The following PLCXD1 variants were observed in gnomAD, a reference collection of about 807,000 sequenced individuals.
The protein encoded by PLCXD1 is PI-PLC X domain-containing protein 1.
Under a neutral mutation model 37.8 loss-of-function variants are expected in PLCXD1, and 45 were observed. The ratio of observed to expected loss-of-function variants is 1.19; its 90% CI spans 0.94 to 1.53. The LOEUF is 1.53. PLCXD1 is among the 40% of genes most tolerant of loss of function. The pLI, the probability that PLCXD1 is intolerant of heterozygous loss-of-function variation, is 0.00. For synonymous variants in PLCXD1, 246 were observed against 206.9 expected (o/e 1.19, Z -1.62); for missense variants, 539 against 454.7 (o/e 1.19, Z -1.69).
intron 2 of PLCXD1, among the ~76,000 whole-genome samples, chrX:286,561 C>A (rs2069456821): frequency 6.6e-6 from 1 of 152,096 alleles, no homozygotes; most frequent in Admixed American, 6.6e-5. Context: ...AAAAGAAATT[C>A]TTGGCCTTTT....
chrX:301,927 C>CA lies in PLCXD1; in HGVS notation c.*2594dup. The CA allele has an allele frequency of 6.6e-6, 1 of 152,410 alleles. No homozygotes were observed. Among genetic ancestry groups the CA allele is most frequent in the Non-Finnish European group, 1.5e-5 (1 of 68,210 alleles). 9.4% of individuals were successfully genotyped at this position (152,410 alleles called of 1,614,324 possible). ...AGGCGTGAGCCACCGCACCTGGCCT[C>CA]AAGCCAGTATTTCCCTGGCCCTAAA... On this transcript the variant is annotated 3_prime_UTR_variant, in exon 7 of 7. Coordinates refer to ENST00000381657, the MANE Select transcript of PLCXD1 (RefSeq NM_018390.4).
At chrX:293,484 G>A (rs1320828619) in intron 6 of PLCXD1, among the ~76,000 whole-genome samples, 1 of 152,090 alleles carries the variant, frequency 6.6e-6, no homozygotes, top group African/African-American at 2.4e-5. Context: ...TAGCGGCCGG[G>A]CGCAGTGGTT....
chrX:285,789 A>C (rs1427919468), intron 2 of PLCXD1, among the ~76,000 whole-genome samples: 1 of 152,008 alleles, frequency 6.6e-6, no homozygotes, highest in Non-Finnish European at 1.5e-5. Flanking sequence ...AACCTAAGGA[A>C]ATAAACTTAG....
Position 290,410 on chromosome X carries a change from A to G in PLCXD1, c.265-238A>G, listed in dbSNP as rs745516068. 1.3e-3 allele frequency among the ~76,000 whole-genome samples: 195 copies of G among 145,598 alleles called. 2 individuals are homozygous for G. The highest frequency in any genetic ancestry group is 0.012 in the Admixed American group (169 of 14,440). On this transcript the variant is annotated intron_variant, in intron 3 of 6. Coordinates refer to ENST00000381657, the MANE Select transcript of PLCXD1 (RefSeq NM_018390.4). ...GCACCACTGCACTCCAGCCTGGGTG[A>G]CAGAGCGAGACTCCGTCTCAAAAAA...
chrX:276,572 G>A (rs978765851), upstream of PLCXD1, among the ~76,000 whole-genome samples: 7 of 152,114 alleles, frequency 4.6e-5, no homozygotes, highest in Admixed American at 2.0e-4. Context: ...GGGGAGGGTC[G>A]CCTGGGATCT....
In PLCXD1 at chrX:300,298, G is replaced by C. The variant is rs1323178468; in HGVS notation, c.*963G>C. 1 of 152,066 alleles carries C rather than the reference G, an allele frequency of 6.6e-6. No homozygotes were observed. Among genetic ancestry groups the C allele is most frequent in the Non-Finnish European group, 1.5e-5 (1 of 68,028 alleles). The allele number at this position is 152,066 out of a possible 1,614,324, so 9.4% of individuals were successfully genotyped here. A position where few individuals can be genotyped will look rare whatever the true frequency, so the allele number is the denominator to read the frequency against. The stretch of plus-strand genomic sequence containing the variant: ...TCACTAATTACTAAACACAGTGACA[G>C]CCCACTTAGGAGCCGGCCTCCCCTG... On this transcript the variant is annotated 3_prime_UTR_variant, in exon 7 of 7. Coordinates refer to ENST00000381657, the MANE Select transcript of PLCXD1 (RefSeq NM_018390.4).
rs771451292 is a variant in PLCXD1 at position 291,627 on chromosome X, C to CTGTG, written c.523_524insGTGT (p.Phe175CysfsTer30). The CTGTG allele has an allele frequency of 5.6e-6, 9 of 1,612,860 alleles. No homozygotes were observed. The highest frequency in any genetic ancestry group is 7.6e-6 in the Non-Finnish European group (9 of 1,179,846). On this transcript the variant is annotated frameshift_variant, in exon 5 of 7. Coordinates refer to ENST00000381657, the MANE Select transcript of PLCXD1 (RefSeq NM_018390.4). LOFTEE classifies it high-confidence loss of function. ...ACCTGGTCGCCTGTATCAAGAACAT[C>CTGTG]TTCGGGGACATGCTGTGTCCTCGTG...
chrX:284,059 T>G, intron 1 of PLCXD1, 108 bp from the exon 2 acceptor site: 3 of 842,442 alleles, frequency 3.6e-6, no homozygotes, highest in African/African-American at 1.7e-5. Context: ...CCCAGCTAAT[T>G]TTTGTATTTT....
chrX:303,326 G>GT lies in PLCXD1; in HGVS notation c.*3994dup, dbSNP rs2070075385. The GT allele has an allele frequency of 1.3e-5, 2 of 152,126 alleles. No homozygotes were observed. Among genetic ancestry groups the GT allele is most frequent in the South Asian group, 4.1e-4 (2 of 4,836 alleles). 9.4% of individuals were successfully genotyped at this position (152,126 alleles called of 1,614,324 possible). A position where few individuals can be genotyped will look rare whatever the true frequency, so the allele number is the denominator to read the frequency against. On this transcript the variant is annotated 3_prime_UTR_variant, in exon 7 of 7. Coordinates refer to ENST00000381657, the MANE Select transcript of PLCXD1 (RefSeq NM_018390.4). ...CAAAATCACCGAATTCATACAGATC[G>GT]TTTAAATAAATGAACATCATTAAAG...
upstream of PLCXD1, among the ~76,000 whole-genome samples, chrX:276,776 AGCTGGGACGGTGGGGATGTTGG>A (rs1277078783): frequency 4.6e-5 from 7 of 152,068 alleles, no homozygotes; most frequent in African/African-American, 1.7e-4. Context: ...GGGTCGGGAC[AGCTGGGACGGTGGGGATGTTGG>A]GGCACTGGGA....
At position 301,453 on chromosome X, in the gene PLCXD1, T is replaced by TTTG. The variant is rs2070013691; in HGVS notation, c.*2120_*2122dup. On this transcript the variant is annotated 3_prime_UTR_variant, in exon 7 of 7. Transcript: ENST00000381657. ...GCCACCACACCCACAGCTAATTTTT[T>TTTG]TTGTAGAGATGGGGTCTGGCTCTGT... is the stretch of plus-strand genomic sequence containing the variant. The TTTG allele has an allele frequency of 1.1e-4, 16 of 152,348 alleles. 1 individual carries two copies. The highest frequency in any genetic ancestry group is 1.0e-3 in the Admixed American group (16 of 15,264). 9.4% of individuals were successfully genotyped at this position (152,348 alleles called of 1,614,324 possible). A position where few individuals can be genotyped will look rare whatever the true frequency, so the allele number is the denominator to read the frequency against.
At chrX:294,422 C>T (rs2069738931) in intron 6 of PLCXD1, among the ~76,000 whole-genome samples, 1 of 150,486 alleles carries the variant, frequency 6.6e-6, no homozygotes, top group Non-Finnish European at 1.5e-5. Context: ...GCGGAGCTTG[C>T]AGTGAGCCGA....
At chrX:276,441 G>A (rs984859762), upstream of PLCXD1, 8 of 152,238 alleles carry the variant, frequency 5.3e-5, no homozygotes, top group African/African-American at 1.9e-4. Context: ...CCCTACGGGG[G>A]ACGTGGCGGG....
chrX:293,305 A>C (rs1453322096), intron 6 of PLCXD1, 87 bp downstream of exon 6: 2 of 989,116 alleles, frequency 2.0e-6, no homozygotes. Context: ...ACTTGCCTTC[A>C]CTTTTACGTG....
intron 6 of PLCXD1, among the ~76,000 whole-genome samples, chrX:296,872 A>G (rs2069827430): frequency 6.7e-6 from 1 of 149,336 alleles, no homozygotes; most frequent in African/African-American, 2.5e-5. Context: ...TGGGGACATT[A>G]TTCTGTCTCC....
At chrX:291,724 C>A (rs2069643190) in intron 5 of PLCXD1, 70 bp downstream of exon 5, 2 of 1,511,618 alleles carry the variant, frequency 1.3e-6, no homozygotes, top group Non-Finnish European at 9.2e-7. Flanking sequence ...ACTCCATTTG[C>A]TGTGCCCTGG....
intron 2 of PLCXD1, among the ~76,000 whole-genome samples, chrX:287,504 T>C (rs1430375247): frequency 8.0e-6 from 1 of 125,172 alleles, no homozygotes; most frequent in Non-Finnish European, 1.6e-5. Flanking sequence ...ATAGATACTA[T>C]ATATGTTTAT....
intron 6 of PLCXD1, among the ~76,000 whole-genome samples, chrX:294,345 G>A (rs1223619055): frequency 6.6e-6 from 1 of 152,138 alleles, no homozygotes; most frequent in Non-Finnish European, 1.5e-5. Context: ...AGCCGGGCGT[G>A]GTGGCGGGCG....
chrX:278,738 C>CAAAAAA (rs549455644), upstream of PLCXD1, among the ~76,000 whole-genome samples: 171 of 102,842 alleles, frequency 1.7e-3, 4 homozygotes, highest in African/African-American at 5.9e-3. Context: ...GACTCCGTCT[C>CAAAAAA]AAAAAAAAAA....
Sources: allele counts gnomAD v4.1 joint callset (sites outside exome capture counted in the v4.1 genomes callset), GRCh38; gene constraint gnomAD v4.1.1; transcripts MANE v1.5; gene names NCBI Gene and HGNC (gene_info 2026-07-23, HGNC 2026-07-21).